PNPLA3: variants seen among roughly 807,000 people sequenced by gnomAD.
PNPLA3 encodes 1-acylglycerol-3-phosphate O-acyltransferase PNPLA3.
PNPLA3 carries 42 observed loss-of-function variants against 43.1 expected under a neutral mutation model. The observed-to-expected ratio is 0.97, with a 90% CI of 0.76 to 1.26. The LOEUF (loss-of-function observed/expected upper bound fraction) is 1.26, where lower values mean the gene tolerates loss of function less well. Ranked by LOEUF, PNPLA3 falls within the 50% of genes most tolerant of loss-of-function variation. The pLI is 0.00. For synonymous variants in PNPLA3, 272 were observed against 253.6 expected, an observed-to-expected ratio of 1.07 and a Z score of -0.69; for missense variants, 647 against 621.4, an observed-to-expected ratio of 1.04 and a Z score of -0.44.
intron 6 of PNPLA3, among the ~76,000 whole-genome samples, chr22:43,938,609 A>G (rs1023268470): frequency 5.3e-5 from 8 of 152,358 alleles, no homozygotes; most frequent in African/African-American, 1.9e-4. Context: ...GAACACATTC[A>G]CTATCAAGAG....
chr22:43,937,245 G>C lies in PNPLA3; in HGVS notation c.952G>C (p.Asp318His), dbSNP rs369326583. ...SILPWDESILDTLSPRLATAL... is the reference protein window; with the variant it reads ...SILPWDESILHTLSPRLATAL... Reference sequence around the variant, plus strand: ...CCTGCCCTGGGATGAGAGCATCCTGGACACCCTCTCGCCCAGGCTCGCTAC... The same window carrying C: ...CCTGCCCTGGGATGAGAGCATCCTGCACACCCTCTCGCCCAGGCTCGCTAC... The change falls in exon 6 of 9, where the codon GAC becomes CAC. Residue 318 changes from aspartate (D) to histidine (H), a missense_variant. Transcript: ENST00000216180. The C allele has an allele frequency of 1.2e-6, 2 of 1,614,028 alleles. No homozygotes were observed. The highest frequency in any genetic ancestry group is 1.7e-6 in the Non-Finnish European group (2 of 1,180,034).
intron 1 of PNPLA3, among the ~76,000 whole-genome samples, chr22:43,925,681 G>A (rs2049917353): frequency 1.3e-5 from 2 of 152,174 alleles, no homozygotes; most frequent in Non-Finnish European, 2.9e-5. Flanking sequence ...CTTCCCCTAA[G>A]CCAGGGGGAG....
intron 7 of PNPLA3, among the ~76,000 whole-genome samples, chr22:43,943,433 A>T (rs1465072104): frequency 1.3e-5 from 2 of 151,948 alleles, no homozygotes; most frequent in Non-Finnish European, 2.9e-5. Flanking sequence ...CTTTCCTAGA[A>T]ACCCTTTCCC....
At chr22:43,932,836 G>GAGCTTC (rs1159036247) in intron 3 of PNPLA3, 42 bp from the exon 4 acceptor site, 2 of 1,585,436 alleles carry the variant, frequency 1.3e-6, no homozygotes, top group Non-Finnish European at 1.7e-6. Flanking sequence ...CACTAACCCA[G>GAGCTTC]AGCTTCAGAC....
At chr22:43,934,690 G>C in intron 5 of PNPLA3, 24 bp downstream of exon 5, 1 of 1,594,926 alleles carries the variant, frequency 6.3e-7, no homozygotes, top group East Asian at 2.2e-5. Context: ...GGGAGGATCA[G>C]CCATGCCCTT....
At chr22:43,944,465 C>T (rs1359890285) in intron 7 of PNPLA3, among the ~76,000 whole-genome samples, 2 of 151,930 alleles carry the variant, frequency 1.3e-5, no homozygotes, top group African/African-American at 2.4e-5. Context: ...TTTTTTTTCC[C>T]TCTTTATTTC....
Position 43,923,931 on chromosome 22 carries a change from G to A in PNPLA3, c.20G>A (p.Gly7Asp). The A allele has an allele frequency of 6.3e-7, 1 of 1,576,194 alleles. No homozygotes were observed. The highest frequency in any genetic ancestry group is 1.7e-5 in the Admixed American group (1 of 57,806). MYDAERGWSLSFAGCGF... is the reference protein window; with the variant it reads MYDAERDWSLSFAGCGF... The stretch of plus-strand genomic sequence containing the variant: ...GCCGCCATGTACGACGCAGAGCGCG[G>A]CTGGAGCTTGTCCTTCGCGGGCTGC... The change falls in exon 1 of 9, where the codon GGC becomes GAC. Residue 7 changes from glycine to aspartate, a missense_variant. Gly to Asp is a moderately conservative substitution (Grantham distance 94). Coordinates refer to ENST00000216180, the MANE Select transcript of PNPLA3 (RefSeq NM_025225.3).
rs1325652436 is a variant in PNPLA3, at chr22:43,947,083, G to A, written c.*701G>A. On this transcript the variant is annotated 3_prime_UTR_variant, in exon 9 of 9. Transcript: ENST00000216180. ...CCTTAAAAAAAAAAAAATCGGTTGG[G>A]TGCAGTGGCACACGGCTGTAATCCC... The A allele has an allele frequency of 9.4e-6, 2 of 211,840 alleles. No homozygotes were observed. The highest frequency in any genetic ancestry group is 6.8e-5 in the South Asian group (1 of 14,786). The allele number at this position is 211,840 out of a possible 1,614,324, so 13.1% of individuals were successfully genotyped here. A position where few individuals can be genotyped will look rare whatever the true frequency, so the allele number is the denominator to read the frequency against.
chr22:43,938,970 C>A (rs2050013994), intron 6 of PNPLA3, among the ~76,000 whole-genome samples: 1 of 152,176 alleles, frequency 6.6e-6, no homozygotes, highest in African/African-American at 2.4e-5. Flanking sequence ...GTTGCCCAGG[C>A]TGGAGTGTGC....
intron 8 of PNPLA3, among the ~76,000 whole-genome samples, chr22:43,945,035 C>G (rs1304248658): frequency 2.6e-5 from 4 of 152,192 alleles, no homozygotes; most frequent in African/African-American, 4.8e-5. Context: ...GGATGAGTCT[C>G]TTTGAGTGCA....
At chr22:43,937,014 G>T (rs770236513) in intron 5 of PNPLA3, 37 bp from the exon 6 acceptor site, 13 of 1,564,756 alleles carry the variant, frequency 8.3e-6, no homozygotes, top group South Asian at 6.7e-5. Flanking sequence ...CCACTCCCAC[G>T]TTCGCCTGAT....
chr22:43,946,458 A>G lies in PNPLA3; in HGVS notation c.*76A>G. On this transcript the variant is annotated 3_prime_UTR_variant, in exon 9 of 9. Coordinates refer to ENST00000216180, the MANE Select transcript of PNPLA3 (RefSeq NM_025225.3). Reference sequence around the variant, plus strand: ...CCCATCTTTGTGCAGCTACCTCCGCATTGCTGTGTAGTGACCCCTGCCTGT... The same window carrying G: ...CCCATCTTTGTGCAGCTACCTCCGCGTTGCTGTGTAGTGACCCCTGCCTGT... The G allele has an allele frequency of 1.5e-6, 2 of 1,374,542 alleles. No homozygotes were observed. The highest frequency in any genetic ancestry group is 1.7e-5 in the Admixed American group (1 of 58,082). 85.1% of individuals were successfully genotyped at this position (1,374,542 alleles called of 1,614,324 possible). A position where few individuals can be genotyped will look rare whatever the true frequency, so the allele number is the denominator to read the frequency against.
chr22:43,924,852 G>T (rs1373741584), intron 1 of PNPLA3, among the ~76,000 whole-genome samples: 2 of 152,046 alleles, frequency 1.3e-5, no homozygotes, highest in Non-Finnish European at 2.9e-5. Flanking sequence ...GTTTCACCGT[G>T]TTAGCCAGGA....
chr22:43,926,650 G>A (rs1441073411), intron 1 of PNPLA3, among the ~76,000 whole-genome samples: 1 of 152,178 alleles, frequency 6.6e-6, no homozygotes, highest in Non-Finnish European at 1.5e-5. Context: ...TAATTTCATT[G>A]AGCCCAATAT....
chr22:43,937,653 A>T (rs545443802), intron 6 of PNPLA3, among the ~76,000 whole-genome samples: 1 of 152,184 alleles, frequency 6.6e-6, no homozygotes, highest in South Asian at 2.1e-4. Flanking sequence ...GACCCCAAGG[A>T]TGGGGGTCCT....
intron 4 of PNPLA3, among the ~76,000 whole-genome samples, chr22:43,933,317 G>A (rs2076210): frequency 0.31 from 46,628 of 152,054 alleles, 7,965 homozygotes; most frequent in Middle Eastern, 0.41. Flanking sequence ...CCACTTCCCA[G>A]GCTGTGGTTA....
At chr22:43,941,470 G>A (rs1398928965) in intron 7 of PNPLA3, among the ~76,000 whole-genome samples, 2 of 152,272 alleles carry the variant, frequency 1.3e-5, no homozygotes, top group East Asian at 1.9e-4. Flanking sequence ...TCTCTGTGCT[G>A]CAGCTTCCCG....
chr22:43,925,080 TTCC>T (rs138736648), intron 1 of PNPLA3, among the ~76,000 whole-genome samples: 4 of 151,244 alleles, frequency 2.6e-5, no homozygotes, highest in East Asian at 1.9e-4. Context: ...GGAAAGTTGT[TTCC>T]TCCTCCTCCT....
rs574065894 is a variant in PNPLA3, at chr22:43,937,064, G to A, written c.771G>A (p.Arg257=). The A allele has an allele frequency of 1.9e-5, 31 of 1,613,576 alleles. No homozygotes were observed. The African/African-American group carries it at 4.0e-4, about 21-fold the overall frequency. The part of the protein sequence containing the change: ...RFLEEKGICN[R]PQPGLKSSSE... The stretch of plus-strand genomic sequence containing the variant: ...TGCCCTTCACAGGCATCTGCAACAG[G>A]CCCCAGCCAGGCCTGAAGTCATCCT... Residue 257 remains arginine (R), a synonymous_variant, in exon 6 of 9, where the codon AGG becomes AGA. Coordinates refer to ENST00000216180, the MANE Select transcript of PNPLA3 (RefSeq NM_025225.3).
Sources: allele counts gnomAD v4.1 joint callset (sites outside exome capture counted in the v4.1 genomes callset), GRCh38; gene constraint gnomAD v4.1.1; transcripts MANE v1.5; gene names NCBI Gene and HGNC (gene_info 2026-07-23, HGNC 2026-07-21).